Variants in SART3 observed in about 807,000 individuals in gnomAD.
The protein encoded by SART3 is HIV-1 Tat-interacting protein of 110kDa.
SART3 carries 44 observed loss-of-function variants against 122.3 expected under a neutral mutation model. That is an observed-to-expected ratio of 0.36 (90% CI 0.28 to 0.46). SART3 has a LOEUF of 0.46. Among genes scored for constraint, SART3 ranks in the 20% least tolerant of loss-of-function variants. The pLI is 1.00. For missense variants in SART3, 1,101 were observed against 1,229.0 expected (o/e 0.90, Z 1.56); for synonymous variants, 442 against 454.0 (o/e 0.97, Z 0.34).
chr12:108,542,904 G>A lies in SART3; in HGVS notation c.906+124C>T, dbSNP rs139675134. 417 of 1,280,346 alleles carry A rather than the reference G, an allele frequency of 3.3e-4. 3 individuals are homozygous for A. The East Asian group carries it at 7.9e-3, about 24-fold the overall frequency. The allele number at this position is 1,280,346 out of a possible 1,614,324, so 79.3% of individuals were successfully genotyped here. ...TTTATTATTAGTATGTAAACTGTAC[G>A]TATACATTTATACACTCTATATATT... On this transcript the variant is annotated intron_variant, in intron 6 of 18. Coordinates refer to ENST00000546815, the MANE Select transcript of SART3 (RefSeq NM_014706.4).
intron 1 of SART3, among the ~76,000 whole-genome samples, chr12:108,553,455 A>T (rs2136693584): frequency 6.6e-6 from 1 of 152,232 alleles, no homozygotes; most frequent in East Asian, 1.9e-4. Context: ...CGAATTGTTT[A>T]AAAAGCTTTT....
Position 108,523,937 on chromosome 12 carries a change from T to G in SART3, c.2715-303A>C, listed in dbSNP as rs904910465. 3 of 566,376 alleles carry G rather than the reference T, an allele frequency of 5.3e-6. No individual in the cohort carries two copies. The African/African-American group carries it at 5.6e-5, about 11-fold the overall frequency. 35.1% of individuals were successfully genotyped at this position (566,376 alleles called of 1,614,324 possible). A position where few individuals can be genotyped will look rare whatever the true frequency, so the allele number is the denominator to read the frequency against. ...TGGCAATTCTGCTATCTCCTCCTCA[T>G]CCCAAACCAGCGAACAGCACAGCTT... On this transcript the variant is annotated intron_variant, in intron 18 of 18. Coordinates refer to ENST00000546815, the MANE Select transcript of SART3 (RefSeq NM_014706.4).
chr12:108,522,292 AT>A lies in SART3; in HGVS notation c.*1164del, dbSNP rs1466289568. ...TATTAAAAAATGTTAAGTTAAAAAA[AT>A]ATAGAAAACCCGACTGATGCACAAA... On this transcript the variant is annotated 3_prime_UTR_variant, in exon 19 of 19. Coordinates refer to ENST00000546815, the MANE Select transcript of SART3 (RefSeq NM_014706.4). Among the ~76,000 whole-genome samples the A allele has an allele frequency of 6.6e-6, 1 of 152,244 alleles. No homozygotes were observed. The highest frequency in any genetic ancestry group is 1.5e-5 in the Non-Finnish European group (1 of 68,040).
intron 11 of SART3, 190 bp from the exon 12 acceptor site, chr12:108,535,658 C>T: frequency 1.6e-6 from 1 of 640,772 alleles, no homozygotes; most frequent in South Asian, 1.6e-5. Flanking sequence ...CTTTCTGCAG[C>T]CACAAGCTAA....
In SART3 at chr12:108,546,776, C is replaced by T. The variant is rs552432655; in HGVS notation, c.544+1111G>A. Among the ~76,000 whole-genome samples the T allele has an allele frequency of 3.7e-4, 57 of 152,322 alleles. 1 individual carries two copies. The East Asian group carries it at 6.4e-3, about 17-fold the overall frequency. ...GCTCAAGGGATCCGCCTGCCTCAGT[C>T]TCCCAAACTGCTGGGATTATAGGCA... On this transcript the variant is annotated intron_variant, in intron 3 of 18. Transcript: ENST00000546815.
chr12:108,545,022 A>G (rs1198372941), intron 4 of SART3, 117 bp downstream of exon 4: 1 of 1,085,728 alleles, frequency 9.2e-7, no homozygotes, highest in Non-Finnish European at 1.4e-6. Context: ...GGCAAAGACC[A>G]TTTTGTTAAC....
chr12:108,531,380 T>G, intron 13 of SART3, 100 bp from the exon 14 acceptor site: 12 of 845,358 alleles, frequency 1.4e-5, no homozygotes, highest in Non-Finnish European at 1.6e-5. Flanking sequence ...AAGAGATCTC[T>G]CCCATCAAAC....
At position 108,538,217 on chromosome 12, in the gene SART3, T is replaced by C. The variant is rs770525522; in HGVS notation, c.1063-14A>G. 13 of 1,613,934 alleles carry C rather than the reference T, an allele frequency of 8.1e-6. No homozygotes were observed. The highest frequency in any genetic ancestry group is 1.0e-5 in the Non-Finnish European group (12 of 1,179,910). On this transcript the variant is annotated splice_polypyrimidine_tract_variant and intron_variant, in intron 7 of 18. Coordinates refer to ENST00000546815, the MANE Select transcript of SART3 (RefSeq NM_014706.4). Reference sequence around the variant, plus strand: ...CAGTTGTCGATCCTATGATAAAGAATTCCAGAGTTAGGAAATTACACTTTA... The same window carrying C: ...CAGTTGTCGATCCTATGATAAAGAACTCCAGAGTTAGGAAATTACACTTTA...
At chr12:108,536,449 A>G in intron 11 of SART3, 65 bp downstream of exon 11, 1 of 1,504,198 alleles carries the variant, frequency 6.6e-7, no homozygotes, top group Non-Finnish European at 9.2e-7. Flanking sequence ...AATTTTAATT[A>G]AAGTTTAATA....
In SART3 at chr12:108,545,201, T is replaced by C. The variant is rs764383100; in HGVS notation, c.667A>G (p.Lys223Glu). Residue 223 changes from lysine to glutamate, a missense_variant, in exon 4 of 19, where the codon AAA becomes GAA. Transcript: ENST00000546815. ...TAAGCCTCCCAGAGGGCGAGTCCTT[T>C]GGTCATATGTAAACCAACAGACGAG... Reference protein sequence around the residue: ...ALSSVGLHMTKGLALWEAYRE... With the variant: ...ALSSVGLHMTEGLALWEAYRE... 1.2e-5 allele frequency: 20 copies of C among 1,614,058 alleles called. No individual in the cohort carries two copies. The highest frequency in any genetic ancestry group is 1.4e-5 in the Non-Finnish European group (16 of 1,180,036).
intron 12 of SART3, among the ~76,000 whole-genome samples, chr12:108,534,443 G>C (rs373911824): frequency 3.3e-5 from 5 of 152,048 alleles, no homozygotes; most frequent in African/African-American, 1.2e-4. Flanking sequence ...CTACACTTTG[G>C]GAGGCCGAGG....
intron 1 of SART3, among the ~76,000 whole-genome samples, chr12:108,559,252 C>G (rs1441171575): frequency 1.3e-5 from 2 of 152,212 alleles, no homozygotes; most frequent in African/African-American, 4.8e-5. Context: ...TTCACATTCA[C>G]TGAGTGATTT....
chr12:108,530,340 G>A, intron 14 of SART3, 30 bp from the exon 15 acceptor site: 3 of 1,611,822 alleles, frequency 1.9e-6, no homozygotes, highest in Non-Finnish European at 2.5e-6. Flanking sequence ...ATGCATCGCT[G>A]GATGTGGCAA....
intron 8 of SART3, 86 bp downstream of exon 8, chr12:108,537,979 A>T (rs542801794): frequency 6.4e-7 from 1 of 1,558,962 alleles, no homozygotes; most frequent in Non-Finnish European, 8.8e-7. Context: ...AACCCCAGGG[A>T]ACACTGATGT....
Position 108,560,907 on chromosome 12 carries a change from T to C in SART3, c.248A>G (p.Tyr83Cys). The C allele has an allele frequency of 1.2e-6, 2 of 1,613,478 alleles. No individual in the cohort carries two copies. Among genetic ancestry groups the C allele is most frequent in the Non-Finnish European group, 1.7e-6 (2 of 1,179,514 alleles). ...CTCCTCTTCGTCATATTCCCACTCGTACTCCCCGGGGGAGCTCTCCGCGGA... is the reference window on the plus strand; with the variant it reads ...CTCCTCTTCGTCATATTCCCACTCGCACTCCCCGGGGGAGCTCTCCGCGGA... ...ASSAESSPGE[Y>C]EWEYDEEEEK... Residue 83 changes from tyrosine (Y) to cysteine (C), a missense_variant, in exon 1 of 19, where the codon TAC becomes TGC. Tyr to Cys is a radical substitution (Grantham distance 194, BLOSUM62 -2). Coordinates refer to ENST00000546815, the MANE Select transcript of SART3 (RefSeq NM_014706.4).
chr12:108,525,897 G>T, intron 16 of SART3: 1 of 623,158 alleles, frequency 1.6e-6, no homozygotes, highest in African/African-American at 1.8e-5. Context: ...CCTTGTCATT[G>T]CTAAGCACCC....
At chr12:108,547,378 T>C (rs528455462) in intron 3 of SART3, among the ~76,000 whole-genome samples, 1 of 152,208 alleles carries the variant, frequency 6.6e-6, no homozygotes, top group South Asian at 2.1e-4. Context: ...ATAAAATGTC[T>C]TTTTTTTCCC....
chr12:108,543,037 T>C lies in SART3; in HGVS notation c.897A>G (p.Glu299=). The stretch of plus-strand genomic sequence containing the variant: ...AGAAGCCAACACTTACCAGTGCTTC[T>C]TCATAGGGTTTATATTTCTCCAGCT... ...LQQLEKYKPY[E]EALLQAEAPR... The change falls in exon 6 of 19, where the codon GAA becomes GAG. Residue 299 remains glutamate, a synonymous_variant. Transcript: ENST00000546815. 6.2e-7 allele frequency: 1 copy of C among 1,614,272 alleles called. No individual in the cohort carries two copies. Among genetic ancestry groups the C allele is most frequent in the Non-Finnish European group, 8.5e-7 (1 of 1,180,048 alleles).
At chr12:108,560,461 T>C (rs2136703479) in intron 1 of SART3, 1 of 361,238 alleles carries the variant, frequency 2.8e-6, no homozygotes, top group Non-Finnish European at 4.9e-6. Context: ...TAACACTCTC[T>C]TGCGAATGAG....
Sources: gnomAD v4.1 joint callset for allele counts (sites outside exome capture counted in the v4.1 genomes callset) on GRCh38, gnomAD v4.1.1 for gene constraint, MANE v1.5 for transcripts, NCBI Gene and HGNC (gene_info 2026-07-23, HGNC 2026-07-21) for gene names.